RBFOX3: variants seen among roughly 807,000 people sequenced by gnomAD.
The protein encoded by RBFOX3 is RNA binding fox-1 homolog 3, also known as RNA binding protein fox-1 homolog 3.
RBFOX3 carries 17 observed loss-of-function variants against 48.7 expected under a neutral mutation model. The ratio of observed to expected loss-of-function variants is 0.35; its 90% CI spans 0.24 to 0.52. RBFOX3 has a LOEUF of 0.52. Ranked by LOEUF, RBFOX3 falls within the 20% of genes least tolerant of loss-of-function variation. The pLI, the probability that RBFOX3 is intolerant of heterozygous loss-of-function variation, is 0.94. For synonymous variants in RBFOX3, 212 were observed against 209.5 expected (o/e 1.01, Z -0.10); for missense variants, 382 against 497.5 (o/e 0.77, Z 2.21).
In RBFOX3 at chr17:79,363,102, G is replaced by C. The variant is rs72849700; in HGVS notation, c.-174-55278C>G. Among the ~76,000 whole-genome samples, 21,157 of 152,234 alleles carry C rather than the reference G, an allele frequency of 0.14. 1,828 individuals carry two copies. Among genetic ancestry groups the C allele is most frequent in the Middle Eastern group, 0.22 (65 of 294 alleles). ...GCACATGCGAGGTTTCTGGGCCATAGTGAGCCGCAGGGGAGGCACGTGGCT... is the reference window on the plus strand; with the variant it reads ...GCACATGCGAGGTTTCTGGGCCATACTGAGCCGCAGGGGAGGCACGTGGCT... On this transcript the variant is annotated intron_variant, in intron 2 of 14. Coordinates refer to ENST00000693108, the MANE Select transcript of RBFOX3 (RefSeq NM_001350451.2). This position sits in a 1 kb window ranked among gnomAD's most constrained non-coding sequence, Gnocchi z 4.7.
intron 5 of RBFOX3, among the ~76,000 whole-genome samples, chr17:79,112,904 C>CGGGG (rs1271126513): frequency 1.9e-4 from 2 of 10,348 alleles, no homozygotes; most frequent in African/African-American, 4.6e-4. Context: ...AGCAGGCTCT[C>CGGGG]GGGGGGGGGG....
chr17:79,550,746 C>T (rs922071380), intron 1 of RBFOX3, among the ~76,000 whole-genome samples: 24 of 151,806 alleles, frequency 1.6e-4, no homozygotes, highest in Non-Finnish European at 3.1e-4. Context: ...AATGGATAAG[C>T]GGATAGGTGG....
intron 2 of RBFOX3, among the ~76,000 whole-genome samples, chr17:79,387,647 G>A (rs563000493): frequency 3.9e-5 from 6 of 152,366 alleles, no homozygotes; most frequent in South Asian, 4.1e-4. Flanking sequence ...TCTCACCACT[G>A]CCTATGTGCC....
chr17:79,111,248 C>T lies in RBFOX3; in HGVS notation c.222+4246G>A, dbSNP rs2031311890. On this transcript the variant is annotated intron_variant, in intron 5 of 14. Coordinates refer to ENST00000693108, the MANE Select transcript of RBFOX3 (RefSeq NM_001350451.2). This position sits in a 1 kb window ranked among gnomAD's most constrained non-coding sequence, Gnocchi z 4.2. ...GCCAGGGGTGCAGAGCCCAGGTCCC[C>T]AGCAGGCAGTGAGGGAGGTGCTGGC... 6.6e-6 allele frequency among the ~76,000 whole-genome samples: 1 copy of T among 152,172 alleles called. No individual in the cohort carries two copies. Among genetic ancestry groups the T allele is most frequent in the South Asian group, 2.1e-4 (1 of 4,832 alleles).
At chr17:79,230,829 T>G (rs550243129) in intron 4 of RBFOX3, among the ~76,000 whole-genome samples, 3 of 152,226 alleles carry the variant, frequency 2.0e-5, no homozygotes, top group Admixed American at 6.5e-5. Context: ...TGTATGTGCC[T>G]GGGTTTGTTC....
At chr17:79,332,280 C>A (rs1789590488) in intron 2 of RBFOX3, among the ~76,000 whole-genome samples, 1 of 152,084 alleles carries the variant, frequency 6.6e-6, no homozygotes, top group South Asian at 2.1e-4. Context: ...GGGAAGGGAC[C>A]ATTTGTAGCT....
intron 2 of RBFOX3, among the ~76,000 whole-genome samples, chr17:79,308,339 T>C (rs948611458): frequency 6.6e-6 from 1 of 152,230 alleles, no homozygotes; most frequent in Admixed American, 6.5e-5. Context: ...GCAGCCTAGC[T>C]AGGCCCTCGA....
At chr17:79,644,944 G>T in the RBFOX3 span, among the ~76,000 whole-genome samples, 2 of 152,138 alleles carry the variant, frequency 1.3e-5, no homozygotes, top group Admixed American at 1.3e-4. Context: ...TCAGAAAATG[G>T]CAACTTTATT....
At chr17:79,317,777 G>C (rs4790008) in intron 2 of RBFOX3, among the ~76,000 whole-genome samples, 146,098 of 152,204 alleles carry the variant, frequency 0.96, 70,453 homozygotes, top group East Asian at 1. Flanking sequence ...AAGTTGCAAT[G>C]TTCGATGAGG....
chr17:79,400,618 G>C (rs80023427), intron 2 of RBFOX3, among the ~76,000 whole-genome samples: 1,746 of 133,116 alleles, frequency 0.013, 36 homozygotes, highest in African/African-American at 0.046. Flanking sequence ...GTGAGTTCAC[G>C]TGTGACCCGC....
rs2078163039 is a variant in RBFOX3, at chr17:79,477,834, T to G, written c.-175+4620A>C. Among the ~76,000 whole-genome samples, 1 of 152,206 alleles carries G rather than the reference T, an allele frequency of 6.6e-6. No individual in the cohort carries two copies. The highest frequency in any genetic ancestry group is 1.5e-5 in the Non-Finnish European group (1 of 68,038). ...TTTTAGGACCCAAGTCTCCAAAGACTGGCTCAAACTAAAGTCTTCTCATTA... is the reference window on the plus strand; with the variant it reads ...TTTTAGGACCCAAGTCTCCAAAGACGGGCTCAAACTAAAGTCTTCTCATTA... On this transcript the variant is annotated intron_variant, in intron 2 of 14. Transcript: ENST00000693108. This position sits in a 1 kb window ranked among gnomAD's most constrained non-coding sequence, Gnocchi z 4.8.
chr17:79,384,970 A>C (rs141683427), intron 2 of RBFOX3, among the ~76,000 whole-genome samples: 1 of 152,378 alleles, frequency 6.6e-6, no homozygotes, highest in African/African-American at 2.4e-5. Context: ...GGAGAGGCCC[A>C]GAAGGTCCCT....
chr17:79,304,543 A>T (rs149991051), intron 3 of RBFOX3, among the ~76,000 whole-genome samples: 1 of 151,678 alleles, frequency 6.6e-6, no homozygotes, highest in Admixed American at 6.6e-5. Context: ...CACATCACAC[A>T]CGCACTGAGG....
chr17:79,378,954 G>A (rs780679028), intron 2 of RBFOX3, among the ~76,000 whole-genome samples: 3 of 152,192 alleles, frequency 2.0e-5, no homozygotes, highest in Non-Finnish European at 4.4e-5. Flanking sequence ...CCCCGTCCAG[G>A]CTGCACAAGC....
At chr17:79,270,090 G>A (rs557365866) in intron 3 of RBFOX3, among the ~76,000 whole-genome samples, 6 of 152,060 alleles carry the variant, frequency 3.9e-5, no homozygotes, top group South Asian at 2.1e-4. Flanking sequence ...CTGGTCTTCC[G>A]CCTCTGTGGC....
chr17:79,569,999 T>TG (rs2092610025), intron 1 of RBFOX3, among the ~76,000 whole-genome samples: 2 of 40,758 alleles, frequency 4.9e-5, no homozygotes, highest in Admixed American at 6.4e-4. Flanking sequence ...GATGGATGGA[T>TG]AGATGAGTTA....
At chr17:79,419,542 C>T (rs1267008484) in intron 2 of RBFOX3, among the ~76,000 whole-genome samples, 6 of 152,168 alleles carry the variant, frequency 3.9e-5, no homozygotes, top group Admixed American at 6.5e-5. Flanking sequence ...TCAGGCGCTC[C>T]GAGGTTCACA....
intron 2 of RBFOX3, among the ~76,000 whole-genome samples, chr17:79,463,652 A>ACCATCGCCACCTCCACCG (rs1568296228): frequency 9.6e-6 from 1 of 103,764 alleles, no homozygotes; most frequent in African/African-American, 3.8e-5. Context: ...CACCTCCACC[A>ACCATCGCCACCTCCACCG]CCATCGCCAC....
the RBFOX3 span, among the ~76,000 whole-genome samples, chr17:79,664,145 T>A: frequency 6.6e-6 from 1 of 150,722 alleles, no homozygotes; most frequent in Non-Finnish European, 1.5e-5. Context: ...TTTTTAAGTG[T>A]GGTAAAACAC....
Sources: gnomAD v4.1 joint callset for allele counts (sites outside exome capture counted in the v4.1 genomes callset) on GRCh38, gnomAD v4.1.1 for gene constraint, Gnocchi (gnomAD v3.1) non-coding constraint, MANE v1.5 for transcripts, NCBI Gene and HGNC (gene_info 2026-07-23, HGNC 2026-07-21) for gene names.